The following FCSK variants were observed in gnomAD, a reference collection of about 807,000 sequenced individuals.
FCSK encodes fucose kinase, also known as L-fucose kinase.
FCSK carries 123 observed loss-of-function variants against 122.5 expected under a neutral mutation model. The observed-to-expected ratio is 1.00, with a 90% CI of 0.87 to 1.17. The LOEUF (loss-of-function observed/expected upper bound fraction) is 1.17, where lower values mean the gene tolerates loss of function less well. Ranked by LOEUF, FCSK falls within the 50% of genes most tolerant of loss-of-function variation. FCSK has a pLI of 0.00. For synonymous variants in FCSK, 620 were observed against 625.5 expected (o/e 0.99, Z 0.13); for missense variants, 1,366 against 1,450.4 (o/e 0.94, Z 0.95).
At chr16:70,459,521 C>T (rs1402520877) in intron 1 of FCSK, among the ~76,000 whole-genome samples, 2 of 151,916 alleles carry the variant, frequency 1.3e-5, no homozygotes, top group Non-Finnish European at 2.9e-5. Context: ...CTGGGGGATA[C>T]AGTAAGACTC....
In FCSK at chr16:70,475,485, C is replaced by G. The variant is rs778007248; in HGVS notation, c.2513C>G (p.Ser838Cys). The change falls in exon 19 of 24, where the codon TCT (serine) becomes TGT (cysteine). Residue 838 changes from serine (S) to cysteine (C), a missense_variant. Transcript: ENST00000288078. The part of the protein sequence containing the change: ...LHTWSELPHG[S>C]GLGTSSILAG... ...ACCTGGTCTGAGCTGCCCCACGGCTCTGGCCTGGGTGAGCGGGCCCTGCCT... is the reference window on the plus strand; with the variant it reads ...ACCTGGTCTGAGCTGCCCCACGGCTGTGGCCTGGGTGAGCGGGCCCTGCCT... The G allele has an allele frequency of 1.9e-6, 3 of 1,603,056 alleles. No individual in the cohort carries two copies. Among genetic ancestry groups the G allele is most frequent in the South Asian group, 2.2e-5 (2 of 91,016 alleles).
chr16:70,470,078 C>T (rs1284109864), intron 10 of FCSK, among the ~76,000 whole-genome samples: 1 of 148,388 alleles, frequency 6.7e-6, no homozygotes, highest in Non-Finnish European at 1.5e-5. Context: ...CTCCTGACCT[C>T]GTGATCTGCC....
intron 3 of FCSK, 85 bp from the exon 4 acceptor site, chr16:70,465,041 T>TG (rs773789283): frequency 1.9e-6 from 3 of 1,580,906 alleles, no homozygotes; most frequent in Non-Finnish European, 2.6e-6. Flanking sequence ...GGATTTGTGT[T>TG]GGAGTCTCTC....
chr16:70,475,858 T>C, intron 20 of FCSK, 91 bp downstream of exon 20: 1 of 1,317,062 alleles, frequency 7.6e-7, no homozygotes, highest in East Asian at 2.5e-5. Flanking sequence ...TGCATGTGAT[T>C]GGCCAACAGC....
intron 13 of FCSK, 67 bp downstream of exon 13, chr16:70,471,419 C>T (rs1292423926): frequency 4.8e-6 from 7 of 1,453,950 alleles, no homozygotes; most frequent in Non-Finnish European, 6.5e-6. Context: ...GAGTCCTGGC[C>T]CCCACCCCAC....
intron 4 of FCSK, 143 bp downstream of exon 4, chr16:70,465,319 G>T (rs767791017): frequency 4.8e-6 from 4 of 826,778 alleles, no homozygotes; most frequent in Non-Finnish European, 7.4e-6. Context: ...TTGGGAAATG[G>T]CTAAATATAT....
At chr16:70,470,226 GC>G in intron 10 of FCSK, 87 bp from the exon 11 acceptor site, 1 of 835,664 alleles carries the variant, frequency 1.2e-6, no homozygotes, top group Non-Finnish European at 2.0e-6. Flanking sequence ...GGCCACACCT[GC>G]CCCCATGTGT....
rs2048027175 is a variant in FCSK, at chr16:70,454,633, A to G, written c.-23+3A>G. ...CGCCGAGCGCCGGGCGACGGCAGGTACGTCAGTCCGCGAGGGTCGCCGCAG... is the reference window on the plus strand; with the variant it reads ...CGCCGAGCGCCGGGCGACGGCAGGTGCGTCAGTCCGCGAGGGTCGCCGCAG... On this transcript the variant is annotated splice_donor_region_variant and intron_variant, in intron 1 of 23. Transcript: ENST00000288078. 1 of 150,556 alleles carries G rather than the reference A, an allele frequency of 6.6e-6. No individual in the cohort carries two copies. The highest frequency in any genetic ancestry group is 1.5e-5 in the Non-Finnish European group (1 of 67,942). The allele number at this position is 150,556 out of a possible 1,614,324, so 9.3% of individuals were successfully genotyped here. A position where few individuals can be genotyped will look rare whatever the true frequency, so the allele number is the denominator to read the frequency against.
chr16:70,474,518 C>G lies in FCSK; in HGVS notation c.1989-10C>G. 1 of 1,547,234 alleles carries G rather than the reference C, an allele frequency of 6.5e-7. No homozygotes were observed. ...CTGCATGCCACCATCCCTCCCCCTTCTCTTGGCAGGCCAGCCTTGCTGGTG... is the reference window on the plus strand; with the variant it reads ...CTGCATGCCACCATCCCTCCCCCTTGTCTTGGCAGGCCAGCCTTGCTGGTG... On this transcript the variant is annotated splice_polypyrimidine_tract_variant and intron_variant, in intron 16 of 23. Transcript: ENST00000288078.
At chr16:70,455,030 A>G (rs1410686197) in intron 1 of FCSK, 1 of 152,212 alleles carries the variant, frequency 6.6e-6, no homozygotes, top group Non-Finnish European at 1.5e-5. Flanking sequence ...AGTATTATGC[A>G]CAAATCTCAA....
At chr16:70,477,750 C>T (rs2151731543) in intron 20 of FCSK, 1 of 155,344 alleles carries the variant, frequency 6.4e-6, no homozygotes, top group East Asian at 1.9e-4. Context: ...CATTGTCACC[C>T]AGGCTGGAGT....
chr16:70,455,227 C>G (rs949481867), intron 1 of FCSK, among the ~76,000 whole-genome samples: 8 of 152,206 alleles, frequency 5.3e-5, no homozygotes, highest in South Asian at 2.1e-4. Flanking sequence ...GTACTTTATT[C>G]TATCTCTGGC....
Position 70,474,604 on chromosome 16 carries a change from G to A in FCSK, c.2065G>A (p.Ala689Thr), listed in dbSNP as rs1329876832. ...CCTGATCCGCCAGGCTGTGATGTCA[G>A]CCCAGCACTTTGTCTCCACAGAGCA... ...QILIRQAVMSAQHFVSTEQVE... is the reference protein window; with the variant it reads ...QILIRQAVMSTQHFVSTEQVE... Residue 689 changes from alanine (A) to threonine (T), a missense_variant, in exon 17 of 24, where the codon GCC becomes ACC. Physicochemically the swap from Ala to Thr is moderately conservative, Grantham distance 58 (BLOSUM62 0). Coordinates refer to ENST00000288078, the MANE Select transcript of FCSK (RefSeq NM_145059.3). The A allele has an allele frequency of 2.5e-6, 4 of 1,578,462 alleles. No individual in the cohort carries two copies. In the African/African-American group the frequency reaches 4.0e-5, roughly 16 times the overall value.
chr16:70,473,198 C>G lies in FCSK; in HGVS notation c.1622C>G (p.Ala541Gly). 1 of 1,538,144 alleles carries G rather than the reference C, an allele frequency of 6.5e-7. No individual in the cohort carries two copies. Among genetic ancestry groups the G allele is most frequent in the Non-Finnish European group, 8.7e-7 (1 of 1,146,314 alleles). Residue 541 changes from alanine to glycine, a missense_variant, in exon 15 of 24, where the codon GCC becomes GGC. Physicochemically the swap from Ala to Gly is moderately conservative, Grantham distance 60 (BLOSUM62 0). Transcript: ENST00000288078. The surrounding 1 kb of genome is among the most constrained non-coding windows in gnomAD (Gnocchi z 4.9). ...CTGCAGCCGTGCCTGGATCGGGCTG[C>G]CACGCTGGCCTCTCGCCGGGACCTG... ...EQLQPCLDRA[A>G]TLASRRDLFF...
chr16:70,475,523 C>T (rs761413755), intron 19 of FCSK, 30 bp downstream of exon 19: 13 of 1,599,692 alleles, frequency 8.1e-6, no homozygotes, highest in Admixed American at 3.4e-5. Flanking sequence ...TGCTACCCAC[C>T]GACTGTTACA....
At chr16:70,475,035 A>G (rs2048759775) in intron 18 of FCSK, 24 bp downstream of exon 18, 1 of 1,565,154 alleles carries the variant, frequency 6.4e-7, no homozygotes, top group Non-Finnish European at 8.6e-7. Flanking sequence ...GGACCTCTGC[A>G]GGTGGGGCTG....
chr16:70,460,517 G>A (rs2048233064), intron 1 of FCSK, among the ~76,000 whole-genome samples: 1 of 151,832 alleles, frequency 6.6e-6, no homozygotes, highest in South Asian at 2.1e-4. Context: ...TGATTATTCT[G>A]ACTCAGCCTC....
chr16:70,475,351 G>A lies in FCSK; in HGVS notation c.2379G>A (p.Gly793=). The change falls in exon 19 of 24, where the codon GGG becomes GGA. Residue 793 remains glycine, a splice_region_variant and synonymous_variant. Transcript: ENST00000288078. ...LRDYCQPHAP[G]ALLKAAFICA... is the part of the protein sequence containing the mutation. ...TTTCTCATGCCTGTCCTTCTGCAGG[G>A]GCCCTGCTGAAGGCGGCCTTCATCT... The A allele has an allele frequency of 6.2e-7, 1 of 1,609,730 alleles. No homozygotes were observed. The highest frequency in any genetic ancestry group is 1.1e-5 in the South Asian group (1 of 91,070).
chr16:70,470,370 C>T lies in FCSK; in HGVS notation c.1012C>T (p.Leu338Phe), dbSNP rs761847386. 1.9e-6 allele frequency: 3 copies of T among 1,613,908 alleles called. No individual in the cohort carries two copies. Among genetic ancestry groups the T allele is most frequent in the Non-Finnish European group, 2.5e-6 (3 of 1,179,978 alleles). The change falls in exon 11 of 24, where the codon CTC becomes TTC. Residue 338 changes from leucine to phenylalanine, a missense_variant. Coordinates refer to ENST00000288078, the MANE Select transcript of FCSK (RefSeq NM_145059.3). ...YMTSSASEFL[L>F]SLTLPGAPGA... ...GACCTCCTCAGCCAGTGAGTTCCTG[C>T]TCAGCCTCACACTCCCCGGGGCTCC...
Sources: allele counts gnomAD v4.1 joint callset (sites outside exome capture counted in the v4.1 genomes callset), GRCh38; gene constraint gnomAD v4.1.1; non-coding constraint Gnocchi (gnomAD v3.1); transcripts MANE v1.5; gene names NCBI Gene and HGNC (gene_info 2026-07-23, HGNC 2026-07-21).